FOXP2: variants seen among roughly 807,000 people sequenced by gnomAD.
The protein encoded by FOXP2 is forkhead box P2.
A neutral mutation model predicts 115.8 loss-of-function variants in FOXP2; 12 were observed. That is an observed-to-expected ratio of 0.10 (90% CI 0.07 to 0.17). The LOEUF is 0.17. Ranked by LOEUF, FOXP2 falls within the 10% of genes least tolerant of loss-of-function variation. FOXP2 has a pLI of 1.00. For missense variants in FOXP2, 629 were observed against 843.5 expected, an observed-to-expected ratio of 0.75 and a Z score of 3.15; for synonymous variants, 328 against 297.7, an observed-to-expected ratio of 1.10 and a Z score of -1.05.
chr7:114,145,431 T>TTTTTCTC (rs767281325), intron 1 of FOXP2, among the ~76,000 whole-genome samples: 1,315 of 100,486 alleles, frequency 0.013, 22 homozygotes, highest in Non-Finnish European at 0.018. Flanking sequence ...GCTTTGCCAT[T>TTTTTCTC]TTTTCTTTTC....
intron 1 of FOXP2, among the ~76,000 whole-genome samples, chr7:114,146,762 G>A (rs1407913281): frequency 2.6e-5 from 4 of 152,146 alleles, no homozygotes; most frequent in Non-Finnish European, 5.9e-5. Context: ...TGACAGGCAG[G>A]AAAAACAATA....
At chr7:114,227,643 T>C (rs1242252220) in intron 1 of FOXP2, among the ~76,000 whole-genome samples, 1 of 152,068 alleles carries the variant, frequency 6.6e-6, no homozygotes, top group East Asian at 1.9e-4. Flanking sequence ...TTATTTGTAT[T>C]GTATTTATTT....
At chr7:114,663,921 A>G (rs1563067791) in intron 15 of FOXP2, among the ~76,000 whole-genome samples, 2 of 152,134 alleles carry the variant, frequency 1.3e-5, no homozygotes. Context: ...AAATGTCAGG[A>G]CTTCTTTATT....
chr7:114,111,369 G>A (rs1416772830), intron 1 of FOXP2, among the ~76,000 whole-genome samples: 1 of 152,026 alleles, frequency 6.6e-6, no homozygotes, highest in Non-Finnish European at 1.5e-5. Context: ...AAGGGCCCAG[G>A]TGAGCTCTAC....
intron 2 of FOXP2, among the ~76,000 whole-genome samples, chr7:114,511,990 A>G (rs1185053622): frequency 6.6e-6 from 1 of 152,186 alleles, no homozygotes; most frequent in Non-Finnish European, 1.5e-5. Flanking sequence ...TGCAATTTAA[A>G]TAATCATACT....
chr7:114,665,417 T>C (rs992527398), intron 16 of FOXP2: 2 of 152,142 alleles, frequency 1.3e-5, no homozygotes, highest in Non-Finnish European at 2.9e-5. Context: ...ATTGTCTTCC[T>C]TTATTTTTCC....
Position 114,534,605 on chromosome 7 carries a change from T to C in FOXP2, c.169-12T>C. On this transcript the variant is annotated splice_polypyrimidine_tract_variant and intron_variant, in intron 2 of 16. Transcript: ENST00000350908. ...ACAAAATATTTAGATAAGGTTTCAT[T>C]TTTACTTCTAGGCTCTCCAGGCAGC... is the stretch of plus-strand genomic sequence containing the variant. 1 of 1,610,060 alleles carries C rather than the reference T, an allele frequency of 6.2e-7. No homozygotes were observed. Among genetic ancestry groups the C allele is most frequent in the East Asian group, 2.2e-5 (1 of 44,764 alleles).
At chr7:114,662,801 A>G (rs1478278809) in intron 14 of FOXP2, among the ~76,000 whole-genome samples, 1 of 152,132 alleles carries the variant, frequency 6.6e-6, no homozygotes, top group Non-Finnish European at 1.5e-5. Flanking sequence ...ATAGAGAACA[A>G]GACTGCCAAA....
In FOXP2 at chr7:114,690,881, G is replaced by A. The variant is rs1349486919; in HGVS notation, c.*955G>A. The A allele has an allele frequency of 2.2e-6, 1 of 454,374 alleles. No homozygotes were observed. Among genetic ancestry groups the A allele is most frequent in the Non-Finnish European group, 4.4e-6 (1 of 226,752 alleles). 28.1% of individuals were successfully genotyped at this position (454,374 alleles called of 1,614,324 possible). On this transcript the variant is annotated 3_prime_UTR_variant, in exon 17 of 17. Transcript: ENST00000350908. ...TACCTGCTGTTTTCTGATGACCTCT[G>A]GGATCTTTTCATTTAGCCCTAAACA...
chr7:114,488,713 T>C (rs1273154795), intron 2 of FOXP2, among the ~76,000 whole-genome samples: 1 of 152,186 alleles, frequency 6.6e-6, no homozygotes, highest in Non-Finnish European at 1.5e-5. Flanking sequence ...GTTTAAGCTC[T>C]ACCTTTGGCC....
At chr7:114,411,911 A>C (rs545231899), upstream of FOXP2, among the ~76,000 whole-genome samples, 1 of 152,266 alleles carries the variant, frequency 6.6e-6, no homozygotes, top group African/African-American at 2.4e-5. Flanking sequence ...GAGCCAGTGC[A>C]TGGCACATAG....
At chr7:114,125,305 A>G (rs1333575333) in intron 1 of FOXP2, among the ~76,000 whole-genome samples, 1 of 152,160 alleles carries the variant, frequency 6.6e-6, no homozygotes, top group Non-Finnish European at 1.5e-5. Context: ...TGTTTAATCC[A>G]TTCAGTATTT....
At chr7:114,114,086 A>G (rs955319166) in intron 1 of FOXP2, among the ~76,000 whole-genome samples, 1 of 151,934 alleles carries the variant, frequency 6.6e-6, no homozygotes, top group Admixed American at 6.6e-5. Flanking sequence ...GAAGGAAAAC[A>G]TGATTCAGTA....
At chr7:114,220,921 A>T (rs1794604358) in intron 1 of FOXP2, among the ~76,000 whole-genome samples, 1 of 152,190 alleles carries the variant, frequency 6.6e-6, no homozygotes, top group African/African-American at 2.4e-5. Flanking sequence ...AATTGGTGTC[A>T]TTTAAGAGGT....
intron 16 of FOXP2, among the ~76,000 whole-genome samples, chr7:114,683,496 A>C (rs915600586): frequency 3.3e-5 from 5 of 152,200 alleles, no homozygotes; most frequent in Non-Finnish European, 7.3e-5. Flanking sequence ...GTCAAATAAC[A>C]ATAACGTTAC....
chr7:114,310,840 A>G (rs1210402108), intron 2 of FOXP2, among the ~76,000 whole-genome samples: 2 of 152,158 alleles, frequency 1.3e-5, no homozygotes, highest in African/African-American at 4.8e-5. Flanking sequence ...TTTATTAAAA[A>G]GCTCTCTAGC....
At chr7:114,330,479 AG>A (rs910130809) in intron 2 of FOXP2, among the ~76,000 whole-genome samples, 28 of 123,782 alleles carry the variant, frequency 2.3e-4, no homozygotes, top group African/African-American at 7.3e-4. Flanking sequence ...AAAAAAAAAA[AG>A]TTTATATATA....
intron 3 of FOXP2, among the ~76,000 whole-genome samples, chr7:114,544,730 A>T (rs150358862): frequency 6.6e-6 from 1 of 152,216 alleles, no homozygotes; most frequent in Non-Finnish European, 1.5e-5. Context: ...AACATAAAAG[A>T]CAAAATTATT....
intron 2 of FOXP2, among the ~76,000 whole-genome samples, chr7:114,361,478 G>A (rs1791743494): frequency 6.6e-6 from 1 of 152,024 alleles, no homozygotes; most frequent in Non-Finnish European, 1.5e-5. Flanking sequence ...CTTTAGGAAA[G>A]GAGATTTCAA....
Sources: allele counts gnomAD v4.1 joint callset (sites outside exome capture counted in the v4.1 genomes callset), GRCh38; gene constraint gnomAD v4.1.1; transcripts MANE v1.5; gene names NCBI Gene and HGNC (gene_info 2026-07-23, HGNC 2026-07-21).